The following METTL24 variants were observed in gnomAD, a reference collection of about 807,000 sequenced individuals.
The protein encoded by METTL24 is probable methyltransferase-like protein 24.
METTL24 carries 29 observed loss-of-function variants against 32.7 expected under a neutral mutation model. The ratio of observed to expected loss-of-function variants is 0.89; its 90% CI spans 0.66 to 1.21. The LOEUF is 1.21. Among genes scored for constraint, METTL24 ranks in the 50% most tolerant of loss-of-function variants. The pLI, the probability that METTL24 is intolerant of heterozygous loss-of-function variation, is 0.00. For missense variants in METTL24, 439 were observed against 468.1 expected, an observed-to-expected ratio of 0.94 and a Z score of 0.57; for synonymous variants, 163 against 179.5, an observed-to-expected ratio of 0.91 and a Z score of 0.73.
intron 1 of METTL24, among the ~76,000 whole-genome samples, chr6:110,349,201 G>A (rs1772544579): frequency 2.0e-5 from 3 of 152,158 alleles, no homozygotes; most frequent in South Asian, 2.1e-4. Flanking sequence ...CTCTGACTAC[G>A]GCACACAGCA....
chr6:110,275,833 A>C (rs1428750461), intron 4 of METTL24, among the ~76,000 whole-genome samples: 1 of 152,252 alleles, frequency 6.6e-6, no homozygotes, highest in Non-Finnish European at 1.5e-5. Context: ...AGCATTAATT[A>C]ACAATGTATG....
intron 1 of METTL24, among the ~76,000 whole-genome samples, chr6:110,343,327 C>T (rs866229960): frequency 6.6e-6 from 1 of 152,208 alleles, no homozygotes; most frequent in African/African-American, 2.4e-5. Context: ...ATGAGGGGAC[C>T]AGCACTGGGC....
intron 4 of METTL24, among the ~76,000 whole-genome samples, chr6:110,265,909 C>CCTCCTCCTCCTCT (rs1770850043): frequency 1.3e-5 from 2 of 151,690 alleles, no homozygotes; most frequent in African/African-American, 4.8e-5. Context: ...CCTCTTTCTT[C>CCTCCTCCTCCTCT]TTCTTCTTCT....
chr6:110,333,925 C>G (rs1772158874), intron 1 of METTL24, among the ~76,000 whole-genome samples: 1 of 152,064 alleles, frequency 6.6e-6, no homozygotes, highest in Admixed American at 6.5e-5. Flanking sequence ...CATCCACTCT[C>G]TACATGTTGT....
intron 1 of METTL24, among the ~76,000 whole-genome samples, chr6:110,343,709 T>C (rs1412078148): frequency 6.6e-6 from 1 of 152,110 alleles, no homozygotes; most frequent in Non-Finnish European, 1.5e-5. Context: ...AAGAAGAAAA[T>C]ACAGCCTGTA....
chr6:110,260,228 A>G (rs1024931380), intron 4 of METTL24, among the ~76,000 whole-genome samples: 5 of 152,204 alleles, frequency 3.3e-5, no homozygotes, highest in African/African-American at 1.2e-4. Flanking sequence ...AAAAGATTAG[A>G]CGAATGGCTA....
intron 2 of METTL24, among the ~76,000 whole-genome samples, chr6:110,321,511 AG>A (rs1414227036): frequency 1.3e-5 from 2 of 152,240 alleles, no homozygotes; most frequent in East Asian, 3.8e-4. Context: ...GGAGCCTTTA[AG>A]GGCTTTTGAA....
intron 4 of METTL24, among the ~76,000 whole-genome samples, chr6:110,264,837 C>G (rs1032758339): frequency 6.6e-5 from 10 of 151,996 alleles, no homozygotes; most frequent in Non-Finnish European, 1.3e-4. Flanking sequence ...ATGGATGAAG[C>G]TGGAAGCCAT....
chr6:110,343,692 G>A (rs982491506), intron 1 of METTL24, among the ~76,000 whole-genome samples: 9 of 152,090 alleles, frequency 5.9e-5, no homozygotes, highest in Non-Finnish European at 7.4e-5. Flanking sequence ...CAATGGAGCA[G>A]GGGCCTAAGA....
At chr6:110,281,702 A>G (rs891871196) in intron 4 of METTL24, among the ~76,000 whole-genome samples, 1 of 151,818 alleles carries the variant, frequency 6.6e-6, no homozygotes, top group African/African-American at 2.4e-5. Context: ...AGAGGTGTGC[A>G]GCAACACCAC....
At chr6:110,343,854 C>T (rs1278847405) in intron 1 of METTL24, among the ~76,000 whole-genome samples, 1 of 152,126 alleles carries the variant, frequency 6.6e-6, no homozygotes, top group East Asian at 1.9e-4. Flanking sequence ...ATTAGAGAAG[C>T]GGGCAGTGCA....
At chr6:110,283,286 T>G (rs1392023544) in intron 4 of METTL24, among the ~76,000 whole-genome samples, 2 of 152,020 alleles carry the variant, frequency 1.3e-5, no homozygotes, top group East Asian at 3.9e-4. Context: ...TCCCTTTTTC[T>G]CCCCAAAGAA....
At chr6:110,292,818 C>A (rs1022749451) in intron 4 of METTL24, among the ~76,000 whole-genome samples, 4 of 151,746 alleles carry the variant, frequency 2.6e-5, no homozygotes, top group African/African-American at 4.8e-5. Flanking sequence ...GCTGAAAAAA[C>A]ATTTTTAAAA....
At chr6:110,275,125 T>TCTTGAGAGAGTA (rs1771025927) in intron 4 of METTL24, among the ~76,000 whole-genome samples, 1 of 151,708 alleles carries the variant, frequency 6.6e-6, no homozygotes, top group South Asian at 2.1e-4. Flanking sequence ...TAATGACCTA[T>TCTTGAGAGAGTA]GTCTACTCTC....
At chr6:110,263,355 G>A (rs905616848) in intron 4 of METTL24, among the ~76,000 whole-genome samples, 4 of 152,258 alleles carry the variant, frequency 2.6e-5, no homozygotes, top group African/African-American at 9.6e-5. Context: ...AATCATGACT[G>A]AACTCCCATT....
At chr6:110,271,485 T>A (rs951398083) in intron 4 of METTL24, among the ~76,000 whole-genome samples, 6 of 152,214 alleles carry the variant, frequency 3.9e-5, no homozygotes, top group African/African-American at 1.2e-4. Context: ...GCATACATTT[T>A]CAATTTTTTG....
At chr6:110,286,952 G>T (rs947146780) in intron 4 of METTL24, among the ~76,000 whole-genome samples, 6 of 152,180 alleles carry the variant, frequency 3.9e-5, no homozygotes, top group African/African-American at 1.2e-4. Flanking sequence ...GCCTGCAGAT[G>T]GCCTATAGTG....
At chr6:110,323,290 A>C (rs964551886) in intron 1 of METTL24, among the ~76,000 whole-genome samples, 3 of 152,202 alleles carry the variant, frequency 2.0e-5, no homozygotes, top group African/African-American at 7.2e-5. Context: ...GTGCCTCTCT[A>C]AACAAAGCAC....
In METTL24 at chr6:110,336,691, A is replaced by T. The variant is rs138876824; in HGVS notation, c.319-13819T>A. Among the ~76,000 whole-genome samples the T allele has an allele frequency of 5.4e-3, 808 of 148,748 alleles. 12 individuals carry two copies. Among genetic ancestry groups the T allele is most frequent in the African/African-American group, 0.018 (710 of 40,252 alleles). ...GAGGCGGGGCTTGCAGTGAGCTGAG[A>T]TTGCGCCACTGCACTCCAGCCTGGG... On this transcript the variant is annotated intron_variant, in intron 1 of 4. Transcript: ENST00000338882.
Sources: gnomAD v4.1 joint callset for allele counts (sites outside exome capture counted in the v4.1 genomes callset) on GRCh38, gnomAD v4.1.1 for gene constraint, MANE v1.5 for transcripts, NCBI Gene and HGNC (gene_info 2026-07-23, HGNC 2026-07-21) for gene names.